Variants in SGCZ observed in about 807,000 individuals in gnomAD.
SGCZ encodes the protein zeta-sarcoglycan.
SGCZ carries 40 observed loss-of-function variants against 41.3 expected under a neutral mutation model. That is an observed-to-expected ratio of 0.97 (90% CI 0.75 to 1.26). The LOEUF is 1.26. Among genes scored for constraint, SGCZ ranks in the 50% most tolerant of loss-of-function variants. The pLI is 0.00. For missense variants in SGCZ, 552 were observed against 369.8 expected, an observed-to-expected ratio of 1.49 and a Z score of -4.04; for synonymous variants, 206 against 137.5, an observed-to-expected ratio of 1.50 and a Z score of -3.49.
At chr8:15,141,587 C>G (rs957080071) in intron 1 of SGCZ, among the ~76,000 whole-genome samples, 7 of 152,182 alleles carry the variant, frequency 4.6e-5, no homozygotes, top group African/African-American at 1.4e-4. Flanking sequence ...TTAGAAGGCT[C>G]TGCCCAAGAA....
chr8:14,706,478 CAT>C (rs368908421), intron 1 of SGCZ, among the ~76,000 whole-genome samples: 166 of 152,206 alleles, frequency 1.1e-3, no homozygotes, highest in African/African-American at 3.9e-3. Context: ...ATTGTAGACA[CAT>C]GTGTAAACCT....
At chr8:14,786,762 A>T (rs1800779106) in intron 1 of SGCZ, among the ~76,000 whole-genome samples, 1 of 152,028 alleles carries the variant, frequency 6.6e-6, no homozygotes, top group South Asian at 2.1e-4. Context: ...GTCATAAATT[A>T]GAAGCAAAAT....
At chr8:14,101,797 C>T (rs1802029627) in intron 7 of SGCZ, among the ~76,000 whole-genome samples, 1 of 150,430 alleles carries the variant, frequency 6.6e-6, no homozygotes, top group African/African-American at 2.4e-5. Context: ...AAAGGACTGT[C>T]GTTATTCTTC....
intron 1 of SGCZ, among the ~76,000 whole-genome samples, chr8:14,797,973 T>C (rs1305472219): frequency 6.6e-6 from 1 of 152,170 alleles, no homozygotes; most frequent in African/African-American, 2.4e-5. Context: ...TTTCAGAGGA[T>C]GTAGGGAAAT....
chr8:14,932,863 G>A (rs916897569), intron 1 of SGCZ, among the ~76,000 whole-genome samples: 3 of 152,072 alleles, frequency 2.0e-5, no homozygotes, highest in African/African-American at 7.3e-5. Flanking sequence ...AAAGTGTGAT[G>A]TGAAAACTGT....
intron 4 of SGCZ, among the ~76,000 whole-genome samples, chr8:14,190,640 T>C (rs1169393463): frequency 2.0e-5 from 3 of 152,112 alleles, no homozygotes; most frequent in Non-Finnish European, 4.4e-5. Flanking sequence ...TCTCGCTCTG[T>C]CGCCCAGGCT....
chr8:14,983,622 G>A (rs1191405738), intron 1 of SGCZ, among the ~76,000 whole-genome samples: 1 of 152,100 alleles, frequency 6.6e-6, no homozygotes, highest in African/African-American at 2.4e-5. Flanking sequence ...TAGGATTACA[G>A]ATGTGAGCCA....
At chr8:14,159,154 G>T (rs1803967127) in intron 5 of SGCZ, among the ~76,000 whole-genome samples, 1 of 151,988 alleles carries the variant, frequency 6.6e-6, no homozygotes, top group Non-Finnish European at 1.5e-5. Flanking sequence ...GATTTTGTGG[G>T]TCTAAGACCT....
chr8:14,793,052 A>G (rs932168657), intron 1 of SGCZ, among the ~76,000 whole-genome samples: 6 of 152,240 alleles, frequency 3.9e-5, no homozygotes, highest in Admixed American at 1.3e-4. Context: ...TAAATACAAT[A>G]TGTGATCTAT....
intron 1 of SGCZ, among the ~76,000 whole-genome samples, chr8:14,712,644 A>G (rs1187856870): frequency 6.6e-6 from 1 of 152,180 alleles, no homozygotes; most frequent in Non-Finnish European, 1.5e-5. Context: ...TCCAGCCTCA[A>G]CACACCCACT....
chr8:14,551,579 TAA>T (rs1563404961), intron 2 of SGCZ, among the ~76,000 whole-genome samples: 444 of 29,142 alleles, frequency 0.015, 21 homozygotes, highest in Admixed American at 0.019. Flanking sequence ...AATATATATA[TAA>T]TATATATAAT....
intron 1 of SGCZ, among the ~76,000 whole-genome samples, chr8:14,622,130 G>A (rs1406154110): frequency 6.6e-6 from 1 of 152,156 alleles, no homozygotes; most frequent in Non-Finnish European, 1.5e-5. Context: ...CCTCCAATGA[G>A]AAGAGGTTCA....
At chr8:14,803,557 G>A (rs944219991) in intron 1 of SGCZ, among the ~76,000 whole-genome samples, 3 of 152,102 alleles carry the variant, frequency 2.0e-5, no homozygotes, top group African/African-American at 2.4e-5. Context: ...ATTATATCCC[G>A]CACCCGGCTC....
At chr8:14,231,158 C>T (rs886739852) in intron 4 of SGCZ, among the ~76,000 whole-genome samples, 8 of 20,784 alleles carry the variant, frequency 3.8e-4, no homozygotes, top group Admixed American at 9.3e-4. Context: ...ATTCTTTGGG[C>T]AAGTGTGTGT....
intron 3 of SGCZ, among the ~76,000 whole-genome samples, chr8:14,316,178 C>T (rs752075950): frequency 2.0e-5 from 3 of 151,288 alleles, no homozygotes; most frequent in Non-Finnish European, 2.9e-5. Context: ...TAAAGTCTCT[C>T]AATGAATAGA....
At chr8:14,382,225 C>G (rs1390327230) in intron 2 of SGCZ, among the ~76,000 whole-genome samples, 4 of 152,084 alleles carry the variant, frequency 2.6e-5, no homozygotes, top group African/African-American at 9.7e-5. Context: ...CCCTTGAGCT[C>G]TTCTGTGTAG....
chr8:14,228,642 T>C (rs1469312419), intron 4 of SGCZ, among the ~76,000 whole-genome samples: 1 of 152,000 alleles, frequency 6.6e-6, no homozygotes, highest in Non-Finnish European at 1.5e-5. Flanking sequence ...TATTAATATA[T>C]AAGGAGATGG....
intron 1 of SGCZ, among the ~76,000 whole-genome samples, chr8:15,170,250 C>T (rs753378323): frequency 6.6e-6 from 1 of 152,190 alleles, no homozygotes; most frequent in Non-Finnish European, 1.5e-5. Context: ...GACTTTCATA[C>T]ATGACTTGTC....
At chr8:14,926,222 T>A (rs1197361426) in intron 1 of SGCZ, among the ~76,000 whole-genome samples, 2 of 152,276 alleles carry the variant, frequency 1.3e-5, no homozygotes, top group East Asian at 3.9e-4. Flanking sequence ...TTATACTCAT[T>A]TGTCGTTCAA....
Sources: allele counts gnomAD v4.1 joint callset (sites outside exome capture counted in the v4.1 genomes callset), GRCh38; gene constraint gnomAD v4.1.1; transcripts MANE v1.5; gene names NCBI Gene and HGNC (gene_info 2026-07-23, HGNC 2026-07-21).